KALRN: variants seen among roughly 807,000 people sequenced by gnomAD.
KALRN encodes kalirin RhoGEF kinase, also known as kalirin.
A neutral mutation model predicts 353.7 loss-of-function variants in KALRN; 70 were observed. That is an observed-to-expected ratio of 0.20 (90% CI 0.16 to 0.24). KALRN has a LOEUF of 0.24. Among genes scored for constraint, KALRN ranks in the 10% least tolerant of loss-of-function variants. The pLI, the probability that KALRN is intolerant of heterozygous loss-of-function variation, is 1.00. For synonymous variants in KALRN, 1,391 were observed against 1,434.8 expected (o/e 0.97, Z 0.69); for missense variants, 2,791 against 3,756.7 (o/e 0.74, Z 6.72).
At chr3:124,256,551 G>T (rs541918311) in intron 3 of KALRN, among the ~76,000 whole-genome samples, 2 of 152,302 alleles carry the variant, frequency 1.3e-5, no homozygotes, top group African/African-American at 2.4e-5. Flanking sequence ...TTGGGGGATT[G>T]TCTTCAATAG....
chr3:124,294,520 CTTT>C (rs397990993), intron 5 of KALRN, among the ~76,000 whole-genome samples: 24 of 73,892 alleles, frequency 3.2e-4, no homozygotes, highest in African/African-American at 1.1e-3. Context: ...AGATTCTCTT[CTTT>C]TTTTTTTTTT....
At chr3:124,083,714 A>G (rs1255467115) in intron 1 of KALRN, among the ~76,000 whole-genome samples, 1 of 152,228 alleles carries the variant, frequency 6.6e-6, no homozygotes, top group Admixed American at 6.5e-5. Flanking sequence ...GCGGAGCCTT[A>G]GTGGTGACAA....
chr3:124,513,343 C>T (rs56002604), intron 33 of KALRN, among the ~76,000 whole-genome samples: 20,671 of 152,064 alleles, frequency 0.14, 1,538 homozygotes, highest in East Asian at 0.28. Flanking sequence ...GAGAAGCAGA[C>T]GTGTTTCCAG....
Position 124,666,532 on chromosome 3 carries a change from C to G in KALRN, c.6429C>G (p.Thr2143=), listed in dbSNP as rs374048628. Residue 2143 remains threonine, a synonymous_variant, in exon 46 of 60, where the codon ACC becomes ACG. Coordinates refer to ENST00000682506, the MANE Select transcript of KALRN (RefSeq NM_001388419.1). ...IELDAGMQSR[T]KERRVFLFEQ... is the part of the protein sequence containing the mutation. The stretch of plus-strand genomic sequence containing the variant: ...TGGATGCAGGCATGCAGTCCCGGAC[C>G]AAAGAGAGGCGCGTGTTCCTCTTCG... The G allele has an allele frequency of 4.2e-5, 68 of 1,613,916 alleles. No homozygotes were observed. Among genetic ancestry groups the G allele is most frequent in the Non-Finnish European group, 5.7e-5 (67 of 1,179,928 alleles).
intron 5 of KALRN, among the ~76,000 whole-genome samples, chr3:124,275,374 T>C (rs2074598737): frequency 6.6e-6 from 1 of 152,262 alleles, no homozygotes; most frequent in African/African-American, 2.4e-5. Context: ...TTTTTGCTTT[T>C]GTGCTTTTTC....
intron 1 of KALRN, among the ~76,000 whole-genome samples, chr3:124,157,327 A>G (rs1257624139): frequency 6.6e-6 from 1 of 152,168 alleles, no homozygotes; most frequent in Non-Finnish European, 1.5e-5. Flanking sequence ...TCGTGTAGAC[A>G]GGGCTGCTTC....
chr3:124,613,033 G>T (rs1487189116), intron 34 of KALRN, among the ~76,000 whole-genome samples: 1 of 152,180 alleles, frequency 6.6e-6, no homozygotes. Flanking sequence ...GATGCCTGTA[G>T]TACTGGTGAC....
Position 124,642,806 on chromosome 3 carries a change from G to GTTGTTTTTTTTTTTTTTTTTT in KALRN, c.5664+5505_5664+5506insGTTTTTTTTTTTTTTTTTTTT, listed in dbSNP as rs796628603. On this transcript the variant is annotated intron_variant, in intron 37 of 59. Transcript: ENST00000682506. ...TCTGTGGAAGAGATTCCCAAGCCTC[G>GTTGTTTTTTTTTTTTTTTTTT]TTTTTTTTTTTTTTTTTTTTGAGAC... Among the ~76,000 whole-genome samples, 66 of 96,818 alleles carry GTTGTTTTTTTTTTTTTTTTTT rather than the reference G, an allele frequency of 6.8e-4. 11 individuals carry two copies. Among genetic ancestry groups the GTTGTTTTTTTTTTTTTTTTTT allele is most frequent in the African/African-American group, 2.1e-3 (47 of 22,310 alleles). 63.5% of individuals were successfully genotyped at this position (96,818 alleles called of 152,430 possible).
chr3:124,651,342 G>GTT (rs2083397232), intron 38 of KALRN, among the ~76,000 whole-genome samples: 1 of 152,198 alleles, frequency 6.6e-6, no homozygotes, highest in Admixed American at 6.5e-5. Flanking sequence ...ATGTAGGAAA[G>GTT]TTATATATAG....
At chr3:124,094,802 G>T (rs769968482) in intron 1 of KALRN, 3 of 1,596,870 alleles carry the variant, frequency 1.9e-6, no homozygotes, top group African/African-American at 1.3e-5. Context: ...AGGCTCTGCC[G>T]AGGGGACTGG....
chr3:124,400,877 C>G (rs181244414), intron 13 of KALRN, among the ~76,000 whole-genome samples: 83 of 152,242 alleles, frequency 5.5e-4, no homozygotes, highest in African/African-American at 1.9e-3. Context: ...CCTGTCATTC[C>G]AGGTCTGCTT....
chr3:124,702,676 T>C (rs954359481), intron 57 of KALRN, among the ~76,000 whole-genome samples: 1 of 152,198 alleles, frequency 6.6e-6, no homozygotes, highest in Non-Finnish European at 1.5e-5. Flanking sequence ...GGGAAGACTG[T>C]GCAATCACTA....
chr3:124,485,173 G>T (rs976770830), intron 28 of KALRN, among the ~76,000 whole-genome samples: 7 of 152,286 alleles, frequency 4.6e-5, no homozygotes, highest in East Asian at 1.9e-4. Context: ...GATTTTTATG[G>T]TTTTGAATGT....
In KALRN at chr3:124,294,520, CT is replaced by C. The variant is rs397990993; in HGVS notation, c.970-4249del. 3.0e-3 allele frequency among the ~76,000 whole-genome samples: 218 copies of C among 73,880 alleles called. 1 individual carries two copies. Among genetic ancestry groups the C allele is most frequent in the Middle Eastern group, 0.017 (1 of 58 alleles). The allele number at this position is 73,880 out of a possible 152,430, so 48.5% of individuals were successfully genotyped here. ...GGGCTGAGACTAAGAAGATTCTCTTCTTTTTTTTTTTTTTTTTTTTTTGAGA... is the reference window on the plus strand; with the variant it reads ...GGGCTGAGACTAAGAAGATTCTCTTCTTTTTTTTTTTTTTTTTTTTTGAGA... On this transcript the variant is annotated intron_variant, in intron 5 of 59. Coordinates refer to ENST00000682506, the MANE Select transcript of KALRN (RefSeq NM_001388419.1).
intron 1 of KALRN, among the ~76,000 whole-genome samples, chr3:124,054,131 G>A (rs1384421212): frequency 1.3e-5 from 2 of 152,134 alleles, no homozygotes; most frequent in Non-Finnish European, 2.9e-5. Flanking sequence ...AAAACCCTAG[G>A]CTGGGTAGAG....
intron 1 of KALRN, among the ~76,000 whole-genome samples, chr3:124,138,680 G>A (rs543035835): frequency 2.0e-5 from 3 of 152,196 alleles, no homozygotes; most frequent in African/African-American, 7.2e-5. Context: ...GAATTCCCGG[G>A]CCTTTTGGTC....
intron 1 of KALRN, among the ~76,000 whole-genome samples, chr3:124,038,726 T>C (rs1277030375): frequency 6.6e-6 from 1 of 152,242 alleles, no homozygotes; most frequent in African/African-American, 2.4e-5. Context: ...TTGCAGTTAC[T>C]TGGGCTTCAG....
chr3:124,462,312 A>G (rs1339476369), intron 24 of KALRN, among the ~76,000 whole-genome samples: 1 of 152,134 alleles, frequency 6.6e-6, no homozygotes, highest in East Asian at 1.9e-4. Flanking sequence ...ATGACAAGAG[A>G]CTGTGGAGTT....
rs1395318707 is a variant in KALRN, at chr3:124,439,200, T to TTACACACACACACACACA, written c.3198+163_3198+164insTACACACACACACACACA. The stretch of plus-strand genomic sequence containing the variant: ...TCCTTCTTCTCCTTCTCTCTCTCTC[T>TTACACACACACACACACA]CACACACACACACACACACACACAC... On this transcript the variant is annotated intron_variant, in intron 18 of 59. Coordinates refer to ENST00000682506, the MANE Select transcript of KALRN (RefSeq NM_001388419.1). Among the ~76,000 whole-genome samples, 529 of 98,900 alleles carry TTACACACACACACACACA rather than the reference T, an allele frequency of 5.3e-3. 6 individuals are homozygous for TTACACACACACACACACA. Among genetic ancestry groups the TTACACACACACACACACA allele is most frequent in the East Asian group, 9.4e-3 (26 of 2,764 alleles). 64.9% of individuals were successfully genotyped at this position (98,900 alleles called of 152,430 possible). A position where few individuals can be genotyped will look rare whatever the true frequency, so the allele number is the denominator to read the frequency against.
Sources: allele counts gnomAD v4.1 joint callset (sites outside exome capture counted in the v4.1 genomes callset), GRCh38; gene constraint gnomAD v4.1.1; transcripts MANE v1.5; gene names NCBI Gene and HGNC (gene_info 2026-07-23, HGNC 2026-07-21).